HCN1: variants seen among roughly 807,000 people sequenced by gnomAD.
The protein encoded by HCN1 is hyperpolarization activated cyclic nucleotide gated potassium channel 1.
A neutral mutation model predicts 78.9 loss-of-function variants in HCN1; 13 were observed. The ratio of observed to expected loss-of-function variants is 0.16; its 90% CI spans 0.11 to 0.26. The LOEUF (loss-of-function observed/expected upper bound fraction) is 0.26. Among genes scored for constraint, HCN1 ranks in the 10% least tolerant of loss-of-function variants. The pLI, the probability that HCN1 is intolerant of heterozygous loss-of-function variation, is 1.00. For synonymous variants in HCN1, 552 were observed against 455.5 expected (o/e 1.21, Z -2.70); for missense variants, 810 against 1,154.3 (o/e 0.70, Z 4.32).
chr5:45,342,453 G>A (rs1030296734), intron 5 of HCN1, among the ~76,000 whole-genome samples: 1 of 151,356 alleles, frequency 6.6e-6, no homozygotes, highest in Non-Finnish European at 1.5e-5. Context: ...GGCCAAACTG[G>A]TCTTAAACTC....
chr5:45,484,684 C>T (rs1412042602), intron 2 of HCN1, among the ~76,000 whole-genome samples: 1 of 152,080 alleles, frequency 6.6e-6, no homozygotes, highest in Non-Finnish European at 1.5e-5. Context: ...TCGGACATTC[C>T]ACATAACCCC....
chr5:45,495,554 A>T (rs1742007487), intron 2 of HCN1, among the ~76,000 whole-genome samples: 1 of 152,180 alleles, frequency 6.6e-6, no homozygotes, highest in African/African-American at 2.4e-5. Context: ...AAAGAGGGAC[A>T]ATTTGACTTC....
At chr5:45,281,507 A>G (rs892499681) in intron 6 of HCN1, among the ~76,000 whole-genome samples, 1 of 151,824 alleles carries the variant, frequency 6.6e-6, no homozygotes, top group East Asian at 1.9e-4. Flanking sequence ...GCAAGAACAG[A>G]CTAATACATA....
chr5:45,374,047 TATATATATTATATATATAATATATATA>T (rs1747518963), intron 4 of HCN1, among the ~76,000 whole-genome samples: 1 of 95,836 alleles, frequency 1.0e-5, no homozygotes, highest in Non-Finnish European at 1.9e-5. Context: ...TAATATATAT[TATATATATTATATATATAATATATATA>T]ATATCTATTA....
At chr5:45,670,511 C>T (rs1580039029) in intron 1 of HCN1, among the ~76,000 whole-genome samples, 1 of 151,674 alleles carries the variant, frequency 6.6e-6, no homozygotes, top group Non-Finnish European at 1.5e-5. Context: ...CATTAAGAAT[C>T]ATCCTCAATT....
intron 3 of HCN1, among the ~76,000 whole-genome samples, chr5:45,454,841 C>A (rs368486542): frequency 2.6e-5 from 4 of 152,134 alleles, no homozygotes; most frequent in East Asian, 3.9e-4. Flanking sequence ...TGTGAGCTTA[C>A]ATATGAATAA....
intron 3 of HCN1, among the ~76,000 whole-genome samples, chr5:45,408,112 CAT>C (rs1486070521): frequency 6.6e-6 from 1 of 151,892 alleles, no homozygotes; most frequent in Non-Finnish European, 1.5e-5. Context: ...AAGTCAAAAA[CAT>C]AAAAATAAAA....
chr5:45,287,920 G>A (rs1013497204), intron 6 of HCN1, among the ~76,000 whole-genome samples: 10 of 152,008 alleles, frequency 6.6e-5, no homozygotes, highest in Non-Finnish European at 1.3e-4. Flanking sequence ...TAACATCATG[G>A]CACAGACTGT....
At chr5:45,479,070 T>C (rs1741587383) in intron 2 of HCN1, among the ~76,000 whole-genome samples, 1 of 149,722 alleles carries the variant, frequency 6.7e-6, no homozygotes, top group African/African-American at 2.5e-5. Context: ...GAGGTTGCAG[T>C]GAACAGAGAT....
intron 2 of HCN1, among the ~76,000 whole-genome samples, chr5:45,466,391 G>T (rs1382775260): frequency 6.6e-6 from 1 of 152,016 alleles, no homozygotes; most frequent in Non-Finnish European, 1.5e-5. Context: ...TACATACTGG[G>T]ATAATTTCTG....
At chr5:45,615,464 T>C (rs1179645752) in intron 2 of HCN1, among the ~76,000 whole-genome samples, 1 of 151,994 alleles carries the variant, frequency 6.6e-6, no homozygotes, top group East Asian at 1.9e-4. Flanking sequence ...GAAAACACAC[T>C]GAAACTTCAT....
At chr5:45,657,928 G>A (rs577664871) in intron 1 of HCN1, among the ~76,000 whole-genome samples, 136 of 152,200 alleles carry the variant, frequency 8.9e-4, no homozygotes, top group African/African-American at 3.0e-3. Flanking sequence ...AGCCTGCATC[G>A]CCAAGTCAAT....
chr5:45,500,791 T>C (rs1742172221), intron 2 of HCN1, among the ~76,000 whole-genome samples: 1 of 152,216 alleles, frequency 6.6e-6, no homozygotes. Context: ...TAAATCATTT[T>C]ATTTGAGAAA....
At chr5:45,571,451 G>T (rs192165468) in intron 2 of HCN1, among the ~76,000 whole-genome samples, 3 of 152,044 alleles carry the variant, frequency 2.0e-5, no homozygotes, top group Non-Finnish European at 4.4e-5. Flanking sequence ...TTGTGACTTG[G>T]GGCAAGATAG....
chr5:45,540,348 G>A (rs757971958), intron 2 of HCN1, among the ~76,000 whole-genome samples: 1 of 147,952 alleles, frequency 6.8e-6, no homozygotes, highest in African/African-American at 2.5e-5. Flanking sequence ...TTTTGAGAGA[G>A]AGAGAGTCTC....
At chr5:45,420,860 G>A (rs1432260362) in intron 3 of HCN1, among the ~76,000 whole-genome samples, 1 of 152,092 alleles carries the variant, frequency 6.6e-6, no homozygotes, top group African/African-American at 2.4e-5. Flanking sequence ...CTGAAAACCA[G>A]GTAAGGCTCT....
chr5:45,376,251 A>AATATATG (rs371543140), intron 4 of HCN1, among the ~76,000 whole-genome samples: 3 of 40,856 alleles, frequency 7.3e-5, no homozygotes, highest in South Asian at 7.4e-4. Flanking sequence ...TATTCTATAT[A>AATATATG]GAATATAGAA....
chr5:45,371,979 A>C (rs1262401718), intron 4 of HCN1, among the ~76,000 whole-genome samples: 1 of 31,244 alleles, frequency 3.2e-5, no homozygotes, highest in Non-Finnish European at 5.3e-5. Context: ...TATTATGTAT[A>C]TTATATATAA....
chr5:45,496,871 T>A (rs1742046013), intron 2 of HCN1, among the ~76,000 whole-genome samples: 1 of 152,210 alleles, frequency 6.6e-6, no homozygotes, highest in Non-Finnish European at 1.5e-5. Flanking sequence ...CACACTGCTT[T>A]GAATGTGTCC....
Sources: gnomAD v4.1 joint callset for allele counts (sites outside exome capture counted in the v4.1 genomes callset) on GRCh38, gnomAD v4.1.1 for gene constraint, MANE v1.5 for transcripts, NCBI Gene and HGNC (gene_info 2026-07-23, HGNC 2026-07-21) for gene names.